Variants in UTP20 observed in about 807,000 individuals in gnomAD.
UTP20 encodes small subunit processome component 20 homolog.
A neutral mutation model predicts 329.5 loss-of-function variants in UTP20; 164 were observed. The ratio of observed to expected loss-of-function variants is 0.50; its 90% CI spans 0.44 to 0.57. The LOEUF (loss-of-function observed/expected upper bound fraction) is 0.57. Ranked by LOEUF, UTP20 falls within the 20% of genes least tolerant of loss-of-function variation. The pLI, the probability that UTP20 is intolerant of heterozygous loss-of-function variation, is 0.00. For synonymous variants in UTP20, 1,151 were observed against 1,159.3 expected, an observed-to-expected ratio of 0.99 and a Z score of 0.14; for missense variants, 3,055 against 3,284.2, an observed-to-expected ratio of 0.93 and a Z score of 1.71.
chr12:101,303,400 G>A (rs1042641265), intron 15 of UTP20, among the ~76,000 whole-genome samples: 1 of 152,260 alleles, frequency 6.6e-6, no homozygotes, highest in African/African-American at 2.4e-5. Context: ...AGAGGTGAGG[G>A]GAGCGGTAGC....
At chr12:101,321,758 CT>C in intron 25 of UTP20, 129 bp downstream of exon 25, 1 of 1,203,436 alleles carries the variant, frequency 8.3e-7, no homozygotes, top group Non-Finnish European at 1.1e-6. Flanking sequence ...ATTGCATTTT[CT>C]TTGGAGATGG....
chr12:101,375,066 AATCAAT>A, intron 55 of UTP20, 127 bp downstream of exon 55: 1 of 636,812 alleles, frequency 1.6e-6, no homozygotes, highest in Non-Finnish European at 2.6e-6. Flanking sequence ...ATTTATAGCT[AATCAAT>A]TAAATATTTG....
chr12:101,285,448 A>G (rs909143500), intron 2 of UTP20, 122 bp from the exon 3 acceptor site: 11 of 1,084,666 alleles, frequency 1.0e-5, no homozygotes, highest in African/African-American at 3.2e-5. Flanking sequence ...TTAAAAAACT[A>G]AAAGGAGTTC....
At chr12:101,372,639 G>A (rs1870331730) in intron 51 of UTP20, among the ~76,000 whole-genome samples, 1 of 152,258 alleles carries the variant, frequency 6.6e-6, no homozygotes, top group African/African-American at 2.4e-5. Context: ...CACAGTGCCA[G>A]TGGCAGGCCA....
At position 101,382,852 on chromosome 12, in the gene UTP20, T is replaced by TAA. The variant is rs541190674; in HGVS notation, c.7657-174_7657-173dup. Reference sequence around the variant, plus strand: ...GGGTAACAGAGTGAGGCTCTGTCTTTAAAAAAAAAAAAAAAAGGAATATCT... The same window carrying TAA: ...GGGTAACAGAGTGAGGCTCTGTCTTTAAAAAAAAAAAAAAAAAAGGAATATCT... On this transcript the variant is annotated intron_variant, in intron 58 of 61. Transcript: ENST00000261637. Among the ~76,000 whole-genome samples the TAA allele has an allele frequency of 5.2e-5, 7 of 133,530 alleles. No individual in the cohort carries two copies. The East Asian group carries it at 1.0e-3, about 20-fold the overall frequency. The allele number at this position is 133,530 out of a possible 152,430, so 87.6% of individuals were successfully genotyped here.
chr12:101,327,094 C>T lies in UTP20; in HGVS notation c.3055C>T (p.Arg1019Ter), dbSNP rs1593434278. ...TTGCCTTTTCAGAATTTTGTATGGGCGAATGAAGAATAAGACTGGGAGTAA... is the reference window on the plus strand; with the variant it reads ...TTGCCTTTTCAGAATTTTGTATGGGTGAATGAAGAATAAGACTGGGAGTAA... ...FPILMRILYG[R>*]MKNKTGSKTQ... The change falls in exon 26 of 62, where the codon CGA becomes TGA. Residue 1019 changes from arginine to a stop codon, truncating the protein, a stop_gained. Coordinates refer to ENST00000261637, the MANE Select transcript of UTP20 (RefSeq NM_014503.3). LOFTEE classifies it high-confidence loss of function. 1 of 1,601,996 alleles carries T rather than the reference C, an allele frequency of 6.2e-7. No homozygotes were observed. Among genetic ancestry groups the T allele is most frequent in the Non-Finnish European group, 8.5e-7 (1 of 1,170,544 alleles).
chr12:101,312,938 A>T (rs909711751), intron 21 of UTP20, among the ~76,000 whole-genome samples: 7 of 152,216 alleles, frequency 4.6e-5, no homozygotes, highest in Admixed American at 3.3e-4. Flanking sequence ...AGTTTGATTC[A>T]TGTAGAAAGG....
intron 47 of UTP20, among the ~76,000 whole-genome samples, chr12:101,367,349 T>C (rs1870131782): frequency 6.6e-6 from 1 of 152,122 alleles, no homozygotes; most frequent in South Asian, 2.1e-4. Flanking sequence ...TCTAATCATT[T>C]CCTTTTTAAA....
intron 21 of UTP20, among the ~76,000 whole-genome samples, chr12:101,312,678 G>C (rs1318625353): frequency 1.3e-5 from 2 of 152,206 alleles, no homozygotes; most frequent in African/African-American, 4.8e-5. Flanking sequence ...GACCTCAGGT[G>C]ATCCACCCAC....
intron 18 of UTP20, among the ~76,000 whole-genome samples, chr12:101,308,950 G>T (rs966608115): frequency 6.6e-6 from 1 of 151,992 alleles, no homozygotes; most frequent in African/African-American, 2.4e-5. Context: ...AGCCAGGATG[G>T]TCTTGATCTC....
chr12:101,337,262 T>G (rs1868963503), intron 29 of UTP20, among the ~76,000 whole-genome samples: 1 of 152,254 alleles, frequency 6.6e-6, no homozygotes, highest in Admixed American at 6.5e-5. Context: ...CTTAGAACTT[T>G]TCTGTCAGTT....
At chr12:101,358,050 C>A (rs915351920) in intron 43 of UTP20, among the ~76,000 whole-genome samples, 1 of 152,182 alleles carries the variant, frequency 6.6e-6, no homozygotes, top group Non-Finnish European at 1.5e-5. Flanking sequence ...AATTTTGGTA[C>A]AGTCGACGTG....
intron 21 of UTP20, 99 bp from the exon 22 acceptor site, chr12:101,317,379 G>C (rs1873004829): frequency 7.6e-7 from 1 of 1,313,722 alleles, no homozygotes; most frequent in Non-Finnish European, 1.1e-6. Flanking sequence ...TTCAGTGTGT[G>C]ATTCTGTGAA....
At chr12:101,336,446 A>G (rs941562474) in intron 29 of UTP20, among the ~76,000 whole-genome samples, 2 of 152,182 alleles carry the variant, frequency 1.3e-5, no homozygotes, top group African/African-American at 4.8e-5. Context: ...GGACAGCAAA[A>G]ACTTATTAAT....
chr12:101,285,649 T>C lies in UTP20; in HGVS notation c.193+13T>C. The stretch of plus-strand genomic sequence containing the variant: ...ACAGAACACTTCGGTATTTTCTATT[T>C]CGTTTCTATTTTATTCACCCATAGT... On this transcript the variant is annotated intron_variant, in intron 3 of 61. Coordinates refer to ENST00000261637, the MANE Select transcript of UTP20 (RefSeq NM_014503.3). 1 of 1,613,820 alleles carries C rather than the reference T, an allele frequency of 6.2e-7. No homozygotes were observed.
intron 40 of UTP20, among the ~76,000 whole-genome samples, chr12:101,354,030 G>C (rs1209970523): frequency 6.6e-6 from 1 of 152,044 alleles, no homozygotes; most frequent in African/African-American, 2.4e-5. Flanking sequence ...GGAGGCCTAC[G>C]CAGGTGGATC....
At chr12:101,360,303 G>A (rs867977433) in intron 43 of UTP20, among the ~76,000 whole-genome samples, 1 of 152,180 alleles carries the variant, frequency 6.6e-6, no homozygotes, top group Non-Finnish European at 1.5e-5. Context: ...TCAGGTGGCC[G>A]AAGTGGGAGG....
intron 18 of UTP20, among the ~76,000 whole-genome samples, chr12:101,308,766 T>C (rs1872704491): frequency 6.6e-6 from 1 of 150,406 alleles, no homozygotes; most frequent in Admixed American, 6.7e-5. Context: ...GGAGTCTCGC[T>C]CTGTCACCCA....
chr12:101,337,289 G>A (rs1408521564), intron 29 of UTP20, among the ~76,000 whole-genome samples: 1 of 152,206 alleles, frequency 6.6e-6, no homozygotes, highest in Non-Finnish European at 1.5e-5. Flanking sequence ...TGCTAAGTAT[G>A]TTAAAGAGCT....
Sources: allele counts gnomAD v4.1 joint callset (sites outside exome capture counted in the v4.1 genomes callset), GRCh38; gene constraint gnomAD v4.1.1; transcripts MANE v1.5; gene names NCBI Gene and HGNC (gene_info 2026-07-23, HGNC 2026-07-21).